Variants in KIF5B observed in about 807,000 individuals in gnomAD.
KIF5B encodes kinesin-1 heavy chain.
KIF5B carries 49 observed loss-of-function variants against 132.8 expected under a neutral mutation model. The ratio of observed to expected loss-of-function variants is 0.37; its 90% CI spans 0.29 to 0.47. The LOEUF is 0.47. Among genes scored for constraint, KIF5B ranks in the 20% least tolerant of loss-of-function variants. KIF5B has a pLI of 1.00. For synonymous variants in KIF5B, 355 were observed against 369.4 expected (o/e 0.96, Z 0.45); for missense variants, 780 against 1,144.0 (o/e 0.68, Z 4.59).
chr10:32,040,345 A>G, intron 3 of KIF5B, 39 bp downstream of exon 3: 2 of 1,182,274 alleles, frequency 1.7e-6, no homozygotes, highest in Non-Finnish European at 2.5e-6. Context: ...TGCTGTATGT[A>G]TTGCAAACCA....
At chr10:32,031,332 A>AG in intron 13 of KIF5B, 53 bp from the exon 14 acceptor site, 2 of 1,370,416 alleles carry the variant, frequency 1.5e-6, no homozygotes, top group Non-Finnish European at 1.0e-6. Flanking sequence ...GTTTTAAAAA[A>AG]CACCCATGAA....
At chr10:32,043,754 AC>A (rs202023865) in intron 2 of KIF5B, among the ~76,000 whole-genome samples, 13,746 of 152,292 alleles carry the variant, frequency 0.09, 732 homozygotes, top group Non-Finnish European at 0.12. Context: ...TAATAGCCCT[AC>A]ATAAAATCAA....
At chr10:32,034,657 CA>C in intron 11 of KIF5B, 32 bp downstream of exon 11, 2 of 1,493,258 alleles carry the variant, frequency 1.3e-6, no homozygotes, top group East Asian at 2.5e-5. Flanking sequence ...CTGTATTTAA[CA>C]AACTGAAGAT....
intron 13 of KIF5B, among the ~76,000 whole-genome samples, chr10:32,031,575 G>T (rs1290986187): frequency 6.6e-6 from 1 of 152,156 alleles, no homozygotes; most frequent in South Asian, 2.1e-4. Flanking sequence ...AGAGGGACAG[G>T]ACAGATAAAG....
chr10:32,026,470 C>A (rs368477084), intron 15 of KIF5B, among the ~76,000 whole-genome samples: 2 of 123,824 alleles, frequency 1.6e-5, no homozygotes, highest in South Asian at 2.6e-4. Context: ...AAGTAACGCT[C>A]TAACAGAGCT....
At chr10:32,024,392 G>C (rs1176957449) in intron 15 of KIF5B, among the ~76,000 whole-genome samples, 1 of 147,442 alleles carries the variant, frequency 6.8e-6, no homozygotes, top group African/African-American at 2.5e-5. Context: ...CTGACCTCGT[G>C]ATCCGCCCGC....
chr10:32,021,014 ATACT>A lies in KIF5B; in HGVS notation c.2204+4_2204+7del. 1 of 1,472,694 alleles carries A rather than the reference ATACT, an allele frequency of 6.8e-7. No individual in the cohort carries two copies. Among genetic ancestry groups the A allele is most frequent in the Non-Finnish European group, 9.5e-7 (1 of 1,052,182 alleles). The allele number at this position is 1,472,694 out of a possible 1,614,324, so 91.2% of individuals were successfully genotyped here. A position where few individuals can be genotyped will look rare whatever the true frequency, so the allele number is the denominator to read the frequency against. ...CTTTCCTCCTAACTAGAGAAGTATA[ATACT>A]TACTCTTGAAGATCAGTAATAAGTT... is the stretch of plus-strand genomic sequence containing the variant. On this transcript the variant is annotated splice_donor_5th_base_variant and intron_variant, in intron 19 of 25. Coordinates refer to ENST00000302418, the MANE Select transcript of KIF5B (RefSeq NM_004521.3).
chr10:32,034,896 C>T (rs1203387575), intron 10 of KIF5B, 58 bp from the exon 11 acceptor site: 2 of 1,356,870 alleles, frequency 1.5e-6, no homozygotes, highest in Non-Finnish European at 2.0e-6. Flanking sequence ...TTAATTTTAT[C>T]TATATGGAAT....
chr10:32,026,157 G>A (rs1371524496), intron 15 of KIF5B, among the ~76,000 whole-genome samples: 1 of 152,186 alleles, frequency 6.6e-6, no homozygotes, highest in Middle Eastern at 3.4e-3. Flanking sequence ...ACAACAGGCC[G>A]GGCGCAGTGG....
intron 25 of KIF5B, among the ~76,000 whole-genome samples, chr10:32,013,957 T>C (rs1036128118): frequency 5.3e-5 from 8 of 152,236 alleles, no homozygotes; most frequent in African/African-American, 1.7e-4. Flanking sequence ...TTCTTAATTC[T>C]CTACTCAACT....
In KIF5B at chr10:32,009,287, CATTG is replaced by C. The variant is rs1279517735; in HGVS notation, c.*2246_*2249del. The stretch of plus-strand genomic sequence containing the variant: ...CCATGAATAAATATTCTCTTTATTT[CATTG>C]AGTTTCTCTTCTGAACCATCTATCA... On this transcript the variant is annotated 3_prime_UTR_variant, in exon 26 of 26. Coordinates refer to ENST00000302418, the MANE Select transcript of KIF5B (RefSeq NM_004521.3). The C allele has an allele frequency of 6.6e-6, 1 of 152,118 alleles. No homozygotes were observed. Among genetic ancestry groups the C allele is most frequent in the Non-Finnish European group, 1.5e-5 (1 of 68,018 alleles). 9.4% of individuals were successfully genotyped at this position (152,118 alleles called of 1,614,324 possible).
At position 32,010,500 on chromosome 10, in the gene KIF5B, ATTTTT is replaced by A. The variant is rs1841062979; in HGVS notation, c.*1032_*1036del. 1 of 152,124 alleles carries A rather than the reference ATTTTT, an allele frequency of 6.6e-6. No individual in the cohort carries two copies. The highest frequency in any genetic ancestry group is 1.5e-5 in the Non-Finnish European group (1 of 67,980). 9.4% of individuals were successfully genotyped at this position (152,124 alleles called of 1,614,324 possible). ...TTCAGACCAAAATTGACCTATATAT[ATTTTT>A]AATTCATCATATATCTGTCCTGTTT... is the stretch of plus-strand genomic sequence containing the variant. On this transcript the variant is annotated 3_prime_UTR_variant, in exon 26 of 26. Coordinates refer to ENST00000302418, the MANE Select transcript of KIF5B (RefSeq NM_004521.3).
chr10:32,034,654 T>G, intron 11 of KIF5B, 36 bp downstream of exon 11: 1 of 1,490,068 alleles, frequency 6.7e-7, no homozygotes, highest in Non-Finnish European at 8.9e-7. Flanking sequence ...AATCTGTATT[T>G]AACAAACTGA....
At position 32,021,008 on chromosome 10, in the gene KIF5B, A is replaced by C. The variant is rs775896901; in HGVS notation, c.2204+14T>G. 7.2e-7 allele frequency: 1 copy of C among 1,392,702 alleles called. No homozygotes were observed. Among genetic ancestry groups the C allele is most frequent in the Non-Finnish European group, 1.0e-6 (1 of 981,702 alleles). 86.3% of individuals were successfully genotyped at this position (1,392,702 alleles called of 1,614,324 possible). Reference sequence around the variant, plus strand: ...CCGATTCTTTCCTCCTAACTAGAGAAGTATAATACTTACTCTTGAAGATCA... The same window carrying C: ...CCGATTCTTTCCTCCTAACTAGAGACGTATAATACTTACTCTTGAAGATCA... On this transcript the variant is annotated intron_variant, in intron 19 of 25. Coordinates refer to ENST00000302418, the MANE Select transcript of KIF5B (RefSeq NM_004521.3).
chr10:32,030,127 T>C (rs995322996), intron 14 of KIF5B, among the ~76,000 whole-genome samples: 37 of 152,220 alleles, frequency 2.4e-4, no homozygotes, highest in Admixed American at 9.2e-4. Context: ...AGCTCCTCCA[T>C]GATGATGTTG....
chr10:32,027,160 C>G (rs922362978), intron 15 of KIF5B, among the ~76,000 whole-genome samples: 2 of 152,182 alleles, frequency 1.3e-5, no homozygotes, highest in African/African-American at 4.8e-5. Flanking sequence ...CTCTGGTTAA[C>G]AGACTGGGCT....
chr10:32,030,616 T>C (rs2132596689), intron 14 of KIF5B, among the ~76,000 whole-genome samples: 1 of 152,270 alleles, frequency 6.6e-6, no homozygotes, highest in Middle Eastern at 3.4e-3. Context: ...AAAACATAAA[T>C]TATGTTAAGT....
At chr10:32,033,233 T>C (rs558705860) in intron 12 of KIF5B, among the ~76,000 whole-genome samples, 25 of 152,274 alleles carry the variant, frequency 1.6e-4, no homozygotes, top group African/African-American at 6.0e-4. Flanking sequence ...TTGGTATCAT[T>C]GAGGCTCCCA....
chr10:32,018,997 A>G (rs1202386542), intron 20 of KIF5B, among the ~76,000 whole-genome samples: 1 of 110,766 alleles, frequency 9.0e-6, no homozygotes, highest in African/African-American at 3.3e-5. Flanking sequence ...CAGCTTTGCA[A>G]TTTCAAAAAA....
Sources: allele counts gnomAD v4.1 joint callset (sites outside exome capture counted in the v4.1 genomes callset), GRCh38; gene constraint gnomAD v4.1.1; transcripts MANE v1.5; gene names NCBI Gene and HGNC (gene_info 2026-07-23, HGNC 2026-07-21).